LAMTOR4: variants seen among roughly 807,000 people sequenced by gnomAD.
LAMTOR4 encodes ragulator complex protein LAMTOR4.
In LAMTOR4, 11 loss-of-function variants were observed where a neutral mutation model predicts 13.5. That is an observed-to-expected ratio of 0.82 (90% CI 0.51 to 1.35). LAMTOR4 has a LOEUF of 1.35. Ranked by LOEUF, LAMTOR4 falls within the 40% of genes most tolerant of loss-of-function variation. LAMTOR4 has a pLI of 0.00. For missense variants in LAMTOR4, 128 were observed against 126.2 expected, an observed-to-expected ratio of 1.01 and a Z score of -0.07; for synonymous variants, 69 against 52.3, an observed-to-expected ratio of 1.32 and a Z score of -1.38.
In LAMTOR4 at chr7:100,149,062, G is replaced by A. The variant is rs554073748; in HGVS notation, c.3+87G>A. The A allele has an allele frequency of 8.0e-6, 12 of 1,507,590 alleles. No individual in the cohort carries two copies. The African/African-American group carries it at 1.4e-4, about 17-fold the overall frequency. The allele number at this position is 1,507,590 out of a possible 1,614,324, so 93.4% of individuals were successfully genotyped here. A position where few individuals can be genotyped will look rare whatever the true frequency, so the allele number is the denominator to read the frequency against. On this transcript the variant is annotated intron_variant, in intron 1 of 3. Transcript: ENST00000341942. ...TGTGTGGTTTCCCCCTGGTGGGCCT[G>A]CGCTCCACCCTCACCTCCTATCCGC... is the stretch of plus-strand genomic sequence containing the variant.
chr7:100,151,864 TAAAAAA>T (rs59063201), intron 2 of LAMTOR4, among the ~76,000 whole-genome samples: 11 of 141,640 alleles, frequency 7.8e-5, no homozygotes, highest in Non-Finnish European at 1.7e-4. Context: ...GCCCAGCCAT[TAAAAAA>T]AAAAAAAAAA....
chr7:100,153,606 A>G lies in LAMTOR4; in HGVS notation c.202+89A>G, dbSNP rs556679538. 53 of 1,173,646 alleles carry G rather than the reference A, an allele frequency of 4.5e-5. 1 individual carries two copies. In the African/African-American group the frequency reaches 4.8e-4, roughly 11 times the overall value. The allele number at this position is 1,173,646 out of a possible 1,614,324, so 72.7% of individuals were successfully genotyped here. ...TCGGCTTCTCTTCTTCCAGCCTCCT[A>G]CCATCTCCTGGGGTCTCTGGTCTGG... On this transcript the variant is annotated intron_variant, in intron 3 of 3. Coordinates refer to ENST00000341942, the MANE Select transcript of LAMTOR4 (RefSeq NM_001008395.4).
In LAMTOR4 at chr7:100,151,710, T is replaced by G. The variant is rs142068074; in HGVS notation, c.85-1690T>G. ...GTCCTGTTTTTTTGTTTGTTTGTTT[T>G]TTTTTAAGATAGAGTCTCGCCGTCA... On this transcript the variant is annotated intron_variant, in intron 2 of 3. Transcript: ENST00000341942. 5.6e-3 allele frequency among the ~76,000 whole-genome samples: 857 copies of G among 151,912 alleles called. 2 individuals carry two copies. Among genetic ancestry groups the G allele is most frequent in the Non-Finnish European group, 9.0e-3 (610 of 67,938 alleles).
rs1798811425 is a variant in LAMTOR4, at chr7:100,154,077, C to T, written c.*113C>T. 3 of 777,380 alleles carry T rather than the reference C, an allele frequency of 3.9e-6. No homozygotes were observed. The highest frequency in any genetic ancestry group is 3.1e-5 in the South Asian group (2 of 63,788). 48.2% of individuals were successfully genotyped at this position (777,380 alleles called of 1,614,324 possible). On this transcript the variant is annotated 3_prime_UTR_variant, in exon 4 of 4. Coordinates refer to ENST00000341942, the MANE Select transcript of LAMTOR4 (RefSeq NM_001008395.4). Reference sequence around the variant, plus strand: ...CTAGAACTAGGGCCTTCTGCTCGCCCACCTCCCACCCCTACCTGGACGGGC... The same window carrying T: ...CTAGAACTAGGGCCTTCTGCTCGCCTACCTCCCACCCCTACCTGGACGGGC...
chr7:100,154,009 C>T lies in LAMTOR4; in HGVS notation c.*45C>T. On this transcript the variant is annotated 3_prime_UTR_variant, in exon 4 of 4. Coordinates refer to ENST00000341942, the MANE Select transcript of LAMTOR4 (RefSeq NM_001008395.4). ...TCGGAGAAGCGGATTGGGTCCTGGG[C>T]CTCTGTGATGAGGCAGGCACACCTG... The T allele has an allele frequency of 7.0e-7, 1 of 1,438,622 alleles. No homozygotes were observed. The highest frequency in any genetic ancestry group is 9.6e-7 in the Non-Finnish European group (1 of 1,043,176). The allele number at this position is 1,438,622 out of a possible 1,614,324, so 89.1% of individuals were successfully genotyped here. A position where few individuals can be genotyped will look rare whatever the true frequency, so the allele number is the denominator to read the frequency against.
chr7:100,153,939 G>A lies in LAMTOR4; in HGVS notation c.275G>A (p.Arg92Gln), dbSNP rs780892985. The A allele has an allele frequency of 5.0e-6, 8 of 1,591,438 alleles. No homozygotes were observed. The highest frequency in any genetic ancestry group is 1.3e-5 in the African/African-American group (1 of 74,794). ...GTGTTTGTGGTGAAGAGGCAGAACCGAGGTCGGGAGCCCATTGATGTCTGA... is the reference window on the plus strand; with the variant it reads ...GTGTTTGTGGTGAAGAGGCAGAACCAAGGTCGGGAGCCCATTGATGTCTGA... Reference protein sequence around the residue: ...QRVFVVKRQNRGREPIDV With the variant: ...QRVFVVKRQNQGREPIDV The change falls in exon 4 of 4, where the codon CGA becomes CAA. Residue 92 changes from arginine (R) to glutamine (Q), a missense_variant. By Grantham distance (43) the Arg-to-Gln change is conservative (BLOSUM62 1). Coordinates refer to ENST00000341942, the MANE Select transcript of LAMTOR4 (RefSeq NM_001008395.4).
intron 3 of LAMTOR4, 139 bp downstream of exon 3, chr7:100,153,656 C>G: frequency 1.2e-6 from 1 of 833,336 alleles, no homozygotes; most frequent in Non-Finnish European, 2.0e-6. Context: ...TTGGGACTCC[C>G]TGGTATCAGA....
At chr7:100,148,997 A>C in intron 1 of LAMTOR4, 22 bp downstream of exon 1, 2 of 1,607,982 alleles carry the variant, frequency 1.2e-6, no homozygotes, top group Non-Finnish European at 1.7e-6. Context: ...CGCATGCGCG[A>C]GAGGACCCGC....
intron 2 of LAMTOR4, among the ~76,000 whole-genome samples, chr7:100,151,772 T>C (rs1213621086): frequency 6.6e-6 from 1 of 151,420 alleles, no homozygotes; most frequent in African/African-American, 2.4e-5. Flanking sequence ...TCACATCTCA[T>C]TGTAGCCTTG....
chr7:100,154,031 C>T lies in LAMTOR4; in HGVS notation c.*67C>T. 8.0e-7 allele frequency: 1 copy of T among 1,242,942 alleles called. No individual in the cohort carries two copies. Among genetic ancestry groups the T allele is most frequent in the Non-Finnish European group, 1.2e-6 (1 of 866,430 alleles). 77.0% of individuals were successfully genotyped at this position (1,242,942 alleles called of 1,614,324 possible). On this transcript the variant is annotated 3_prime_UTR_variant, in exon 4 of 4. Transcript: ENST00000341942. ...GGGCCTCTGTGATGAGGCAGGCACA[C>T]CTGTCGGTCTTGGCTTGCTGCTAGA...
chr7:100,153,026 G>A (rs778080410), intron 2 of LAMTOR4, among the ~76,000 whole-genome samples: 2 of 151,954 alleles, frequency 1.3e-5, no homozygotes, highest in African/African-American at 4.8e-5. Flanking sequence ...TGGTGGTGCT[G>A]GTACGTGCCT....
intron 2 of LAMTOR4, among the ~76,000 whole-genome samples, chr7:100,152,327 A>G (rs1396546141): frequency 6.6e-6 from 1 of 152,132 alleles, no homozygotes; most frequent in African/African-American, 2.4e-5. Context: ...GCTTGAACCC[A>G]GGAGGCAGAG....
intron 3 of LAMTOR4, 127 bp from the exon 4 acceptor site, chr7:100,153,740 A>G (rs756911904): frequency 7.8e-5 from 61 of 781,984 alleles, no homozygotes; most frequent in South Asian, 5.2e-4. Flanking sequence ...GCCTGGAACT[A>G]TAGAACTTCT....
At position 100,153,796 on chromosome 7, in the gene LAMTOR4, G is replaced by A. The variant is rs180714693; in HGVS notation, c.203-71G>A. On this transcript the variant is annotated intron_variant, in intron 3 of 3. Transcript: ENST00000341942. ...TGTGCGTGTGGCCCCGCCCCATGGA[G>A]TCTGTTGCACCCACTAACTCTGTGC... 1.0e-4 allele frequency: 111 copies of A among 1,095,484 alleles called. No individual in the cohort carries two copies. In the East Asian group the frequency reaches 2.7e-3, roughly 26 times the overall value. The allele number at this position is 1,095,484 out of a possible 1,614,324, so 67.9% of individuals were successfully genotyped here. A position where few individuals can be genotyped will look rare whatever the true frequency, so the allele number is the denominator to read the frequency against.
At position 100,154,033 on chromosome 7, in the gene LAMTOR4, T is replaced by C. The variant is rs2116953783; in HGVS notation, c.*69T>C. ...GCCTCTGTGATGAGGCAGGCACACC[T>C]GTCGGTCTTGGCTTGCTGCTAGAAC... is the stretch of plus-strand genomic sequence containing the variant. On this transcript the variant is annotated 3_prime_UTR_variant, in exon 4 of 4. Transcript: ENST00000341942. 1 of 1,223,466 alleles carries C rather than the reference T, an allele frequency of 8.2e-7. No homozygotes were observed. 75.8% of individuals were successfully genotyped at this position (1,223,466 alleles called of 1,614,324 possible).
At chr7:100,150,774 A>T (rs1190074118) in intron 2 of LAMTOR4, among the ~76,000 whole-genome samples, 1 of 151,982 alleles carries the variant, frequency 6.6e-6, no homozygotes, top group Non-Finnish European at 1.5e-5. Flanking sequence ...TCACGAGGTC[A>T]GGAGATCGAG....
intron 1 of LAMTOR4, 105 bp downstream of exon 1, chr7:100,149,080 C>T: frequency 7.1e-7 from 1 of 1,404,694 alleles, no homozygotes; most frequent in Non-Finnish European, 9.7e-7. Context: ...CCCTCACCTC[C>T]TATCCGCTCG....
rs79362363 is a variant in LAMTOR4 at position 100,154,086 on chromosome 7, C to T, written c.*122C>T. 6.4e-3 allele frequency: 4,724 copies of T among 743,398 alleles called. 167 individuals are homozygous for T. In the African/African-American group the frequency reaches 0.073, roughly 11 times the overall value. The allele number at this position is 743,398 out of a possible 1,614,324, so 46.1% of individuals were successfully genotyped here. ...GGGCCTTCTGCTCGCCCACCTCCCA[C>T]CCCTACCTGGACGGGCCCAGGCTTG... is the stretch of plus-strand genomic sequence containing the variant. On this transcript the variant is annotated 3_prime_UTR_variant, in exon 4 of 4. Transcript: ENST00000341942.
chr7:100,149,207 T>G (rs1584607920), intron 1 of LAMTOR4: 8 of 588,828 alleles, frequency 1.4e-5, no homozygotes, highest in African/African-American at 2.0e-5. Context: ...CGAAGGGAGG[T>G]GAAGAGAGGG....
Sources: gnomAD v4.1 joint callset for allele counts (sites outside exome capture counted in the v4.1 genomes callset) on GRCh38, gnomAD v4.1.1 for gene constraint, MANE v1.5 for transcripts, NCBI Gene and HGNC (gene_info 2026-07-23, HGNC 2026-07-21) for gene names.